Variants in PDCD11 observed in about 807,000 individuals in gnomAD.
The protein encoded by PDCD11 is protein RRP5 homolog.
PDCD11 carries 97 observed loss-of-function variants against 198.9 expected under a neutral mutation model. The ratio of observed to expected loss-of-function variants is 0.49; its 90% CI spans 0.41 to 0.58. The LOEUF (loss-of-function observed/expected upper bound fraction) is 0.58. Among genes scored for constraint, PDCD11 ranks in the 20% least tolerant of loss-of-function variants. The pLI, the probability that PDCD11 is intolerant of heterozygous loss-of-function variation, is 0.00. For synonymous variants in PDCD11, 893 were observed against 918.0 expected, an observed-to-expected ratio of 0.97 and a Z score of 0.49; for missense variants, 2,102 against 2,312.7, an observed-to-expected ratio of 0.91 and a Z score of 1.87.
Position 103,409,771 on chromosome 10 carries a change from C to T in PDCD11, c.943C>T (p.Pro315Ser). The change falls in exon 8 of 36, where the codon CCC becomes TCC. Residue 315 changes from proline (P) to serine (S), a missense_variant. Transcript: ENST00000369797. ...CGTGGTTGACTTTATGCACCTGGAT[C>T]CCAAGAAAGCTGGAACATATTTCTC... is the stretch of plus-strand genomic sequence containing the variant. The part of the protein sequence containing the change: ...TGVVDFMHLD[P>S]KKAGTYFSNQ... The T allele has an allele frequency of 6.2e-7, 1 of 1,613,864 alleles. No individual in the cohort carries two copies. The highest frequency in any genetic ancestry group is 8.5e-7 in the Non-Finnish European group (1 of 1,179,776).
Position 103,425,401 on chromosome 10 carries a change from G to A in PDCD11, c.3181G>A (p.Gly1061Ser), listed in dbSNP as rs756592362. ...TGTGACTCTGGAAGATGGCATTATT[G>A]GCTGTATCCATGCCTCCCACATTCT... is the stretch of plus-strand genomic sequence containing the variant. Reference protein sequence around the residue: ...VVVTLEDGIIGCIHASHILDD... With the variant: ...VVVTLEDGIISCIHASHILDD... Residue 1061 changes from glycine to serine, a missense_variant, in exon 20 of 36, where the codon GGC (glycine) becomes AGC (serine). By Grantham distance (56) the Gly-to-Ser change is moderately conservative (BLOSUM62 0). Coordinates refer to ENST00000369797, the MANE Select transcript of PDCD11 (RefSeq NM_014976.2). 100 of 1,613,958 alleles carry A rather than the reference G, an allele frequency of 6.2e-5. No individual in the cohort carries two copies. Among genetic ancestry groups the A allele is most frequent in the Non-Finnish European group, 7.9e-5 (93 of 1,180,026 alleles).
Position 103,398,518 on chromosome 10 carries a change from A to G in PDCD11, c.92A>G (p.Asn31Ser), listed in dbSNP as rs2133663743. Residue 31 changes from asparagine to serine, a missense_variant, in exon 2 of 36, where the codon AAC (asparagine) becomes AGC (serine). Asn to Ser is a conservative substitution (Grantham distance 46). Coordinates refer to ENST00000369797, the MANE Select transcript of PDCD11 (RefSeq NM_014976.2). The stretch of plus-strand genomic sequence containing the variant: ...TTCCAGCAGTCAGTTGAACAAGACA[A>G]CTTATTTGATGTAAGTAGTATGCTT... ...KAFQQSVEQD[N>S]LFDISTEEGS... 4 of 1,608,048 alleles carry G rather than the reference A, an allele frequency of 2.5e-6. No individual in the cohort carries two copies. Among genetic ancestry groups the G allele is most frequent in the East Asian group, 4.5e-5 (2 of 44,860 alleles).
intron 33 of PDCD11, among the ~76,000 whole-genome samples, 165 bp downstream of exon 33, chr10:103,443,498 C>G (rs1267465521): frequency 6.6e-6 from 1 of 152,192 alleles, no homozygotes; most frequent in Non-Finnish European, 1.5e-5. Context: ...CTCACCTCTT[C>G]TTCAGGCCTG....
chr10:103,415,222 G>C, intron 12 of PDCD11, 71 bp downstream of exon 12: 1 of 1,519,414 alleles, frequency 6.6e-7, no homozygotes, highest in Non-Finnish European at 9.1e-7. Context: ...TGAAGTTTCT[G>C]CCTTTTTCCA....
At position 103,413,337 on chromosome 10, in the gene PDCD11, T is replaced by G; in HGVS notation, c.1185+15T>G. 1 of 1,606,502 alleles carries G rather than the reference T, an allele frequency of 6.2e-7. No individual in the cohort carries two copies. Among genetic ancestry groups the G allele is most frequent in the Non-Finnish European group, 8.5e-7 (1 of 1,173,242 alleles). ...CCTATGCCCGGGTAAGGAGGCCTCT[T>G]TGTTTGGTCAGGGATCTTATCACTG... On this transcript the variant is annotated intron_variant, in intron 9 of 35. Transcript: ENST00000369797.
chr10:103,438,520 C>T lies in PDCD11; in HGVS notation c.3903-166C>T, dbSNP rs117915777. Among the ~76,000 whole-genome samples, 1,119 of 152,308 alleles carry T rather than the reference C, an allele frequency of 7.3e-3. 17 individuals carry two copies. Among genetic ancestry groups the T allele is most frequent in the South Asian group, 0.065 (313 of 4,826 alleles). On this transcript the variant is annotated intron_variant, in intron 26 of 35. Coordinates refer to ENST00000369797, the MANE Select transcript of PDCD11 (RefSeq NM_014976.2). ...TGGGCCCCAGGCACCTGCTTCTGGC[C>T]TGGCAAGATGTTAGGAGAGAGTAGA...
At chr10:103,396,919 C>T (rs2093439137) in intron 1 of PDCD11, among the ~76,000 whole-genome samples, 189 bp downstream of exon 1, 1 of 152,164 alleles carries the variant, frequency 6.6e-6, no homozygotes, top group Admixed American at 6.5e-5. Flanking sequence ...TAAGTATCTT[C>T]TGTGCCCCTG....
rs200291968 is a variant in PDCD11 at position 103,406,763 on chromosome 10, A to G, written c.843A>G (p.Gly281=). 19 of 1,614,118 alleles carry G rather than the reference A, an allele frequency of 1.2e-5. No individual in the cohort carries two copies. The highest frequency in any genetic ancestry group is 1.6e-5 in the Non-Finnish European group (19 of 1,179,962). The change falls in exon 7 of 36, where the codon GGA becomes GGG. Residue 281 remains glycine, a synonymous_variant. Coordinates refer to ENST00000369797, the MANE Select transcript of PDCD11 (RefSeq NM_014976.2). ...GGAACCTTAATAACTTGCTACCAGG[A>G]CTGGTGGTCAAAGCTCAGGTACAGA... is the stretch of plus-strand genomic sequence containing the variant. ...QSWNLNNLLP[G]LVVKAQVQKV...
At position 103,416,716 on chromosome 10, in the gene PDCD11, C is replaced by T; in HGVS notation, c.1744C>T (p.Pro582Ser). 1.2e-6 allele frequency: 2 copies of T among 1,614,016 alleles called. No individual in the cohort carries two copies. Residue 582 changes from proline (P) to serine (S), a missense_variant, in exon 13 of 36, where the codon CCG becomes TCG. Coordinates refer to ENST00000369797, the MANE Select transcript of PDCD11 (RefSeq NM_014976.2). Reference sequence around the variant, plus strand: ...GCTCAGTACTGAGTATATCCCTGACCCGGAGAGAGTTTTTTACACTGGCCA... The same window carrying T: ...GCTCAGTACTGAGTATATCCCTGACTCGGAGAGAGTTTTTTACACTGGCCA... ...HELSTEYIPD[P>S]ERVFYTGQVV... is the part of the protein sequence containing the mutation.
intron 25 of PDCD11, 51 bp downstream of exon 25, chr10:103,435,026 T>TAA: frequency 1.6e-6 from 2 of 1,284,090 alleles, no homozygotes; most frequent in Non-Finnish European, 2.1e-6. Flanking sequence ...TTGGTATATT[T>TAA]AAAAAAAAAC....
chr10:103,403,013 T>A, intron 3 of PDCD11, 105 bp from the exon 4 acceptor site: 1 of 1,074,000 alleles, frequency 9.3e-7, no homozygotes, highest in South Asian at 1.4e-5. Context: ...TAAGCCACTG[T>A]GCTTGGCCTT....
chr10:103,439,988 A>G, intron 28 of PDCD11, 120 bp downstream of exon 28: 1 of 1,264,380 alleles, frequency 7.9e-7, no homozygotes, highest in Admixed American at 2.1e-5. Flanking sequence ...TGGTGTTCAG[A>G]TGAATAAAAG....
At chr10:103,431,014 G>C (rs1048670047) in intron 21 of PDCD11, among the ~76,000 whole-genome samples, 2 of 151,946 alleles carry the variant, frequency 1.3e-5, no homozygotes, top group African/African-American at 4.8e-5. Flanking sequence ...TGGCCAGGCT[G>C]TTCTCAAACT....
In PDCD11 at chr10:103,434,900, C is replaced by T. The variant is rs558800421; in HGVS notation, c.3770C>T (p.Thr1257Ile). ...TVSFPFGKIG[T>I]VSIFHMSDSY... ...TCCTTCCCCTTTGGGAAGATAGGAA[C>T]AGTCAGTATATTTCACATGAGTGAC... The change falls in exon 25 of 36, where the codon ACA becomes ATA. Residue 1257 changes from threonine (T) to isoleucine (I), a missense_variant. Transcript: ENST00000369797. 2 of 1,612,524 alleles carry T rather than the reference C, an allele frequency of 1.2e-6. No homozygotes were observed. Among genetic ancestry groups the T allele is most frequent in the East Asian group, 2.2e-5 (1 of 44,678 alleles).
chr10:103,418,079 C>A, intron 14 of PDCD11, 147 bp downstream of exon 14: 1 of 830,084 alleles, frequency 1.2e-6, no homozygotes, highest in Non-Finnish European at 1.9e-6. Flanking sequence ...ATACGCATTC[C>A]TTCCTGTGTG....
intron 9 of PDCD11, among the ~76,000 whole-genome samples, chr10:103,413,667 T>C (rs757739043): frequency 1.3e-5 from 2 of 152,216 alleles, no homozygotes; most frequent in African/African-American, 2.4e-5. Context: ...TGTTATGGCA[T>C]GAAAGCAGCC....
rs376998977 is a variant in PDCD11 at position 103,413,318 on chromosome 10, C to G, written c.1181C>G (p.Ala394Gly). 6.2e-6 allele frequency: 10 copies of G among 1,613,472 alleles called. No homozygotes were observed. Among genetic ancestry groups the G allele is most frequent in the Non-Finnish European group, 8.5e-6 (10 of 1,179,426 alleles). ...FRLKDGVLAY[A>G]RLSHLSDSKN... ...CTGAAGGATGGGGTTCTGGCCTATGCCCGGGTAAGGAGGCCTCTTTGTTTG... is the reference window on the plus strand; with the variant it reads ...CTGAAGGATGGGGTTCTGGCCTATGGCCGGGTAAGGAGGCCTCTTTGTTTG... Residue 394 changes from alanine to glycine, a missense_variant, in exon 9 of 36, where the codon GCC becomes GGC. By Grantham distance (60) the Ala-to-Gly change is moderately conservative (BLOSUM62 0). Transcript: ENST00000369797.
chr10:103,403,286 G>A lies in PDCD11; in HGVS notation c.402+1G>A, dbSNP rs1198829456. ...GGTGACACAAGAACAACCTCTGAAG[G>A]TAAGGGAAATCCGAATGAAGCCTGT... On this transcript the variant is annotated splice_donor_variant, in intron 4 of 35. Coordinates refer to ENST00000369797, the MANE Select transcript of PDCD11 (RefSeq NM_014976.2). LOFTEE classifies it high-confidence loss of function. The A allele has an allele frequency of 1.2e-6, 2 of 1,608,832 alleles. No homozygotes were observed. The highest frequency in any genetic ancestry group is 2.7e-5 in the African/African-American group (2 of 74,618).
chr10:103,443,457 C>G (rs1032076643), intron 33 of PDCD11, 124 bp downstream of exon 33: 2 of 694,066 alleles, frequency 2.9e-6, no homozygotes, highest in Admixed American at 6.3e-5. Flanking sequence ...GCCCCAACTT[C>G]CCTATCTTCC....
Sources: gnomAD v4.1 joint callset for allele counts (sites outside exome capture counted in the v4.1 genomes callset) on GRCh38, gnomAD v4.1.1 for gene constraint, MANE v1.5 for transcripts, NCBI Gene and HGNC (gene_info 2026-07-23, HGNC 2026-07-21) for gene names.